The following UCHL5 variants were observed in gnomAD, a reference collection of about 807,000 sequenced individuals.
The protein encoded by UCHL5 is ubiquitin C-terminal hydrolase L5, also known as ubiquitin carboxyl-terminal hydrolase isozyme L5.
In UCHL5, 34 loss-of-function variants were observed where a neutral mutation model predicts 53.8. The observed-to-expected ratio is 0.63, with a 90% CI of 0.48 to 0.84. The LOEUF is 0.84. Among genes scored for constraint, UCHL5 ranks in the 40% least tolerant of loss-of-function variants. UCHL5 has a pLI of 0.00. For missense variants in UCHL5, 290 were observed against 385.6 expected (o/e 0.75, Z 2.08); for synonymous variants, 111 against 126.3 (o/e 0.88, Z 0.81).
chr1:193,034,623 G>A (rs1662699133), intron 3 of UCHL5, among the ~76,000 whole-genome samples: 1 of 151,814 alleles, frequency 6.6e-6, no homozygotes, highest in Non-Finnish European at 1.5e-5. Flanking sequence ...ATACTAAAAC[G>A]AGTCAAAGCC....
intron 10 of UCHL5, among the ~76,000 whole-genome samples, chr1:193,017,228 G>C (rs1018611724): frequency 2.6e-5 from 4 of 151,712 alleles, no homozygotes; most frequent in African/African-American, 9.7e-5. Flanking sequence ...AGATTTTAGA[G>C]TACTACAATG....
Position 193,038,109 on chromosome 1 carries a change from A to G in UCHL5, c.247-8452T>C, listed in dbSNP as rs967450843. On this transcript the variant is annotated intron_variant, in intron 3 of 10. Coordinates refer to ENST00000367454, the MANE Select transcript of UCHL5 (RefSeq NM_001199261.3). ...TATGGAAGGTACATACCTCAACACA[A>G]TAACAGCCACATAAAACAGACTCAC... 3.3e-5 allele frequency among the ~76,000 whole-genome samples: 5 copies of G among 152,278 alleles called. No individual in the cohort carries two copies. The East Asian group carries it at 9.6e-4, about 29-fold the overall frequency.
At chr1:193,026,627 C>T (rs561300428) in intron 7 of UCHL5, among the ~76,000 whole-genome samples, 6 of 151,674 alleles carry the variant, frequency 4.0e-5, no homozygotes, top group South Asian at 4.2e-4. Flanking sequence ...GGAACTAGAC[C>T]GTTCATATAT....
chr1:193,036,389 A>G (rs1420813675), intron 3 of UCHL5, among the ~76,000 whole-genome samples: 1 of 151,760 alleles, frequency 6.6e-6, no homozygotes, highest in African/African-American at 2.4e-5. Context: ...CTACAAAGCA[A>G]AGACTATAAA....
At chr1:193,046,956 C>G (rs757683753) in intron 3 of UCHL5, among the ~76,000 whole-genome samples, 1 of 151,632 alleles carries the variant, frequency 6.6e-6, no homozygotes, top group Admixed American at 6.6e-5. Context: ...GAGTCACAAA[C>G]CTGGGTTTTA....
At chr1:193,020,533 T>C (rs1311082186) in intron 10 of UCHL5, 1 of 1,349,644 alleles carries the variant, frequency 7.4e-7, no homozygotes, top group Non-Finnish European at 9.6e-7. Context: ...ATTTACAGTA[T>C]GAACTTAAAA....
At chr1:193,059,548 A>T, upstream of UCHL5, 1 of 1,540,372 alleles carries the variant, frequency 6.5e-7, no homozygotes, top group Non-Finnish European at 8.8e-7. The surrounding 1 kb of genome is among the most constrained non-coding windows in gnomAD (Gnocchi z 4.9). Context: ...CACAGCGCCG[A>T]GGAGGCAACA....
intron 3 of UCHL5, among the ~76,000 whole-genome samples, chr1:193,043,715 C>T (rs1383825362): frequency 6.6e-6 from 1 of 152,172 alleles, no homozygotes; most frequent in African/African-American, 2.4e-5. Flanking sequence ...CATGGGTGGC[C>T]AACCAGGTCT....
In UCHL5 at chr1:193,015,505, C is replaced by T. The variant is rs984528689; in HGVS notation, c.*846G>A. 3.3e-5 allele frequency: 5 copies of T among 151,910 alleles called. No homozygotes were observed. Among genetic ancestry groups the T allele is most frequent in the African/African-American group, 1.2e-4 (5 of 41,398 alleles). 9.4% of individuals were successfully genotyped at this position (151,910 alleles called of 1,614,324 possible). A position where few individuals can be genotyped will look rare whatever the true frequency, so the allele number is the denominator to read the frequency against. ...AACTGCAGGCTGTACGAAATTTATTCAAATTGGCATAGAAAGACCCCCATC... is the reference window on the plus strand; with the variant it reads ...AACTGCAGGCTGTACGAAATTTATTTAAATTGGCATAGAAAGACCCCCATC... On this transcript the variant is annotated 3_prime_UTR_variant, in exon 11 of 11. Coordinates refer to ENST00000367454, the MANE Select transcript of UCHL5 (RefSeq NM_001199261.3).
chr1:193,037,182 C>T (rs1663843815), intron 3 of UCHL5, among the ~76,000 whole-genome samples: 1 of 150,954 alleles, frequency 6.6e-6, no homozygotes, highest in Non-Finnish European at 1.5e-5. Flanking sequence ...CTTAAAAAAA[C>T]AATATTAAGA....
chr1:193,035,490 T>C (rs1222699327), intron 3 of UCHL5, among the ~76,000 whole-genome samples: 2 of 151,934 alleles, frequency 1.3e-5, no homozygotes, highest in African/African-American at 2.4e-5. Context: ...GAATACTCTC[T>C]CCAGCAAAGC....
chr1:193,028,974 C>T (rs905943148), intron 6 of UCHL5, among the ~76,000 whole-genome samples: 4 of 152,010 alleles, frequency 2.6e-5, no homozygotes, highest in African/African-American at 9.7e-5. Context: ...TTGGGAAAAA[C>T]TCAAAGGCAT....
rs1245679544 is a variant in UCHL5, at chr1:193,013,497, CAT to C, written c.*2852_*2853del. ...GGCAAGCAAGACTAACACACAAAAA[CAT>C]ATGTGTACACATGAGGAAAAAGGAT... is the stretch of plus-strand genomic sequence containing the variant. On this transcript the variant is annotated 3_prime_UTR_variant, in exon 11 of 11. Transcript: ENST00000367454. The C allele has an allele frequency of 2.0e-5, 3 of 152,122 alleles. No individual in the cohort carries two copies. Among genetic ancestry groups the C allele is most frequent in the East Asian group, 1.9e-4 (1 of 5,192 alleles). 9.4% of individuals were successfully genotyped at this position (152,122 alleles called of 1,614,324 possible). A position where few individuals can be genotyped will look rare whatever the true frequency, so the allele number is the denominator to read the frequency against.
At position 193,014,808 on chromosome 1, in the gene UCHL5, A is replaced by G. The variant is rs1654660522; in HGVS notation, c.*1543T>C. 3 of 152,100 alleles carry G rather than the reference A, an allele frequency of 2.0e-5. No homozygotes were observed. Among genetic ancestry groups the G allele is most frequent in the South Asian group, 2.1e-4 (1 of 4,826 alleles). 9.4% of individuals were successfully genotyped at this position (152,100 alleles called of 1,614,324 possible). On this transcript the variant is annotated 3_prime_UTR_variant, in exon 11 of 11. Coordinates refer to ENST00000367454, the MANE Select transcript of UCHL5 (RefSeq NM_001199261.3). ...TTCTGTTCCATTGCTTTATTTGTCA[A>G]TCCTAGTGCCAGTATCACACTGTAT...
chr1:193,059,031 A>T lies in UCHL5; in HGVS notation c.76+154T>A, dbSNP rs1373702896. Among the ~76,000 whole-genome samples, 1 of 152,118 alleles carries T rather than the reference A, an allele frequency of 6.6e-6. No homozygotes were observed. The highest frequency in any genetic ancestry group is 2.4e-5 in the African/African-American group (1 of 41,424). The stretch of plus-strand genomic sequence containing the variant: ...AACGCGACTGTCTCGAGCTGAGGAG[A>T]GGGCAGAACATCTACATTTCCCCCA... On this transcript the variant is annotated intron_variant, in intron 1 of 10. Coordinates refer to ENST00000367454, the MANE Select transcript of UCHL5 (RefSeq NM_001199261.3). This position sits in a 1 kb window ranked among gnomAD's most constrained non-coding sequence, Gnocchi z 4.9.
intron 3 of UCHL5, among the ~76,000 whole-genome samples, chr1:193,033,585 T>C (rs1662302017): frequency 6.6e-6 from 1 of 151,956 alleles, no homozygotes; most frequent in Non-Finnish European, 1.5e-5. Context: ...TATAGCAATA[T>C]AAATACATAC....
Position 193,051,595 on chromosome 1 carries a change from A to T in UCHL5, c.140+159T>A, listed in dbSNP as rs1669079575. ...GCCTCAGGTTCTTAGTTATAAAAAA[A>T]TAATAATAATATCTATCTCACAGGA... is the stretch of plus-strand genomic sequence containing the variant. On this transcript the variant is annotated intron_variant, in intron 2 of 10. Transcript: ENST00000367454. Among the ~76,000 whole-genome samples the T allele has an allele frequency of 2.0e-5, 3 of 151,966 alleles. No individual in the cohort carries two copies. The South Asian group carries it at 6.2e-4, about 31-fold the overall frequency.
chr1:193,018,452 G>A (rs1301054602), intron 10 of UCHL5: 1 of 753,638 alleles, frequency 1.3e-6, no homozygotes, highest in East Asian at 1.0e-4. Context: ...AAAGAGATTT[G>A]GTACATAATA....
chr1:193,023,007 A>G lies in UCHL5; in HGVS notation c.762T>C (p.Ser254=), dbSNP rs1203453721. The G allele has an allele frequency of 3.1e-6, 5 of 1,613,172 alleles. No individual in the cohort carries two copies. The highest frequency in any genetic ancestry group is 1.7e-5 in the Admixed American group (1 of 59,972). Residue 254 remains serine (S), a synonymous_variant, in exon 9 of 11, where the codon AGT becomes AGC. Coordinates refer to ENST00000367454, the MANE Select transcript of UCHL5 (RefSeq NM_001199261.3). ...CTTCTGACTGAATAGCACTTAACAT[A>G]CTATTACCTTGATCTGTATCCATGG... ...EEPMDTDQGN[S]MLSAIQSEVA... is the part of the protein sequence containing the mutation.
Sources: gnomAD v4.1 joint callset for allele counts (sites outside exome capture counted in the v4.1 genomes callset) on GRCh38, gnomAD v4.1.1 for gene constraint, Gnocchi (gnomAD v3.1) non-coding constraint, MANE v1.5 for transcripts, NCBI Gene and HGNC (gene_info 2026-07-23, HGNC 2026-07-21) for gene names.